PIEZO1: variants seen among roughly 807,000 people sequenced by gnomAD.
PIEZO1 encodes the protein piezo-type mechanosensitive ion channel component 1.
Under a neutral mutation model 297.2 loss-of-function variants are expected in PIEZO1, and 296 were observed. The ratio of observed to expected loss-of-function variants is 1.00; its 90% CI spans 0.91 to 1.10. The LOEUF (loss-of-function observed/expected upper bound fraction) is 1.10, where lower values mean the gene tolerates loss of function less well. PIEZO1 is among the 50% of genes least tolerant of loss of function. The probability of loss-of-function intolerance (pLI) is 0.00; values close to 1 mark genes in which losing one functional copy is unlikely to be tolerated. For synonymous variants in PIEZO1, 2,427 were observed against 1,507.5 expected, an observed-to-expected ratio of 1.61 and a Z score of -14.13; for missense variants, 5,018 against 3,455.5, an observed-to-expected ratio of 1.45 and a Z score of -11.34.
At chr16:88,762,172 G>A (rs1056971656) in intron 1 of PIEZO1, among the ~76,000 whole-genome samples, 8 of 152,182 alleles carry the variant, frequency 5.3e-5, no homozygotes, top group African/African-American at 1.7e-4. Context: ...GGGTCAGGCA[G>A]AGCCACCTCT....
Position 88,717,095 on chromosome 16 carries a change from C to T in PIEZO1, c.6588G>A (p.Leu2196=), listed in dbSNP as rs1211870410. Residue 2196 remains leucine (L), a synonymous_variant, in exon 45 of 51, where the codon CTG becomes CTA. Coordinates refer to ENST00000301015, the MANE Select transcript of PIEZO1 (RefSeq NM_001142864.4). The part of the protein sequence containing the change: ...IIWFPLLFMS[L]VRSVVGVVNQ... The stretch of plus-strand genomic sequence containing the variant: ...TGACAACCCCAACCACGGAGCGCAC[C>T]AGCGACATGAAGAGCAGTGGGAACC... 2 of 1,551,276 alleles carry T rather than the reference C, an allele frequency of 1.3e-6. No homozygotes were observed. The highest frequency in any genetic ancestry group is 2.4e-5 in the South Asian group (2 of 84,066).
In PIEZO1 at chr16:88,733,459, G is replaced by C. The variant is rs1905006515; in HGVS notation, c.2488-5C>G. ...CAGCAGGTTCATCACCGACACCTGA[G>C]GGCAGTGGGCACGTGGGGCTGGGCT... On this transcript the variant is annotated splice_polypyrimidine_tract_variant and splice_region_variant and intron_variant, in intron 18 of 50. Transcript: ENST00000301015. 3.2e-6 allele frequency: 5 copies of C among 1,545,270 alleles called. No individual in the cohort carries two copies. In the South Asian group the frequency reaches 3.6e-5, roughly 11 times the overall value.
chr16:88,743,753 C>T, intron 2 of PIEZO1: 1 of 419,762 alleles, frequency 2.4e-6, no homozygotes, highest in Admixed American at 2.6e-5. Flanking sequence ...GACTCCCTGT[C>T]CGCACCACCA....
rs754188492 is a variant in PIEZO1, at chr16:88,731,836, C to T, written c.3066G>A (p.Leu1022=). 1.2e-5 allele frequency: 15 copies of T among 1,259,602 alleles called. No homozygotes were observed. The South Asian group carries it at 1.6e-4, about 13-fold the overall frequency. 78.0% of individuals were successfully genotyped at this position (1,259,602 alleles called of 1,614,324 possible). A position where few individuals can be genotyped will look rare whatever the true frequency, so the allele number is the denominator to read the frequency against. Residue 1022 remains leucine, a synonymous_variant, in exon 22 of 51, where the codon CTG becomes CTA. Coordinates refer to ENST00000301015, the MANE Select transcript of PIEZO1 (RefSeq NM_001142864.4). ...GGTGCCTGCGGGTGAGGATGGCCAC[C>T]AGCCAGCAACCGTGCAGGGTCACCA... The part of the protein sequence containing the change: ...NFLVTLHGCW[L]VAILTRRHRQ...
At chr16:88,746,825 T>G (rs1285323271) in intron 2 of PIEZO1, among the ~76,000 whole-genome samples, 2 of 152,148 alleles carry the variant, frequency 1.3e-5, no homozygotes. Flanking sequence ...TGTTTCCAAT[T>G]GCGCCCTGGG....
Position 88,716,903 on chromosome 16 carries a change from G to A in PIEZO1, c.6661-5C>T. 1.3e-6 allele frequency: 2 copies of A among 1,549,566 alleles called. No homozygotes were observed. The highest frequency in any genetic ancestry group is 1.7e-6 in the Non-Finnish European group (2 of 1,146,858). ...GGCGCTCATGGTGAACAGCGGCTGGGGCAGGCACGGGGACACGGGGCCACG... is the reference window on the plus strand; with the variant it reads ...GGCGCTCATGGTGAACAGCGGCTGGAGCAGGCACGGGGACACGGGGCCACG... On this transcript the variant is annotated splice_region_variant and splice_polypyrimidine_tract_variant and intron_variant, in intron 45 of 50. Coordinates refer to ENST00000301015, the MANE Select transcript of PIEZO1 (RefSeq NM_001142864.4).
intron 23 of PIEZO1, 112 bp from the exon 24 acceptor site, chr16:88,727,304 G>T: frequency 8.1e-7 from 1 of 1,241,924 alleles, no homozygotes. Context: ...CGCTGGGAGC[G>T]GACACACGTC....
In PIEZO1 at chr16:88,720,229, C is replaced by T. The variant is rs1306559557; in HGVS notation, c.6004G>A (p.Glu2002Lys). 5.8e-6 allele frequency: 9 copies of T among 1,550,530 alleles called. No individual in the cohort carries two copies. The highest frequency in any genetic ancestry group is 2.4e-5 in the East Asian group (1 of 40,920). ...ATCAGCAGCATGACCAGGAAAGCCTCGGGTACCTGGTCGTCTGATAGGGAG... is the reference window on the plus strand; with the variant it reads ...ATCAGCAGCATGACCAGGAAAGCCTTGGGTACCTGGTCGTCTGATAGGGAG... Reference protein sequence around the residue: ...TSSLSDDQVPEAFLVMLLIQF... With the variant: ...TSSLSDDQVPKAFLVMLLIQF... The change falls in exon 42 of 51, where the codon GAG (glutamate) becomes AAG (lysine). Residue 2002 changes from glutamate (E) to lysine (K), a missense_variant. Transcript: ENST00000301015.
chr16:88,737,272 G>A, intron 10 of PIEZO1: 1 of 387,510 alleles, frequency 2.6e-6, no homozygotes, highest in Non-Finnish European at 4.7e-6. Flanking sequence ...ATTCTCTGGG[G>A]AGGGGTTGGG....
In PIEZO1 at chr16:88,738,708, C is replaced by T; in HGVS notation, c.494G>A (p.Ser165Asn). Reference sequence around the variant, plus strand: ...TGCTTCCTGCAGCCCTGCCGTCGGGCTGGCATCCACATCCCTCTCATCATC... The same window carrying T: ...TGCTTCCTGCAGCCCTGCCGTCGGGTTGGCATCCACATCCCTCTCATCATC... ...LDDDERDVDA[S>N]PTAGLQEAAT... is the part of the protein sequence containing the mutation. The change falls in exon 6 of 51, where the codon AGC becomes AAC. Residue 165 changes from serine to asparagine, a missense_variant. Physicochemically the swap from Ser to Asn is conservative, Grantham distance 46. Transcript: ENST00000301015. The T allele has an allele frequency of 6.5e-7, 1 of 1,533,596 alleles. No individual in the cohort carries two copies. Among genetic ancestry groups the T allele is most frequent in the Non-Finnish European group, 8.7e-7 (1 of 1,145,088 alleles). The allele number at this position is 1,533,596 out of a possible 1,614,324, so 95.0% of individuals were successfully genotyped here.
chr16:88,736,272 C>T lies in PIEZO1; in HGVS notation c.1433G>A (p.Cys478Tyr), dbSNP rs1427214750. 1.3e-6 allele frequency: 2 copies of T among 1,550,074 alleles called. No homozygotes were observed. The highest frequency in any genetic ancestry group is 1.2e-5 in the South Asian group (1 of 84,066). Residue 478 changes from cysteine to tyrosine, a missense_variant, in exon 12 of 51, where the codon TGC becomes TAC. Coordinates refer to ENST00000301015, the MANE Select transcript of PIEZO1 (RefSeq NM_001142864.4). Reference sequence around the variant, plus strand: ...CATGGCCCACACGTAGCGTAGGCAGCACAGCGTCATCCCATACAGCAGGAT... The same window carrying T: ...CATGGCCCACACGTAGCGTAGGCAGTACAGCGTCATCCCATACAGCAGGAT... ...PCILLYGMTL[C>Y]CLRYVWAMDL...
At chr16:88,717,739 A>AATTG (rs777427746) in intron 44 of PIEZO1, 192 of 443,346 alleles carry the variant, frequency 4.3e-4, no homozygotes, top group East Asian at 3.5e-4. Flanking sequence ...TGCAAATTTT[A>AATTG]ATTGATAAGG....
At chr16:88,729,271 AT>A (rs1904648922) in intron 22 of PIEZO1, among the ~76,000 whole-genome samples, 2 of 50,748 alleles carry the variant, frequency 3.9e-5, no homozygotes, top group Admixed American at 1.4e-4. Flanking sequence ...AACCCAGGAC[AT>A]GCTGAACCCA....
chr16:88,717,515 C>A lies in PIEZO1; in HGVS notation c.6472-304G>T, dbSNP rs9938272. On this transcript the variant is annotated intron_variant, in intron 44 of 50. Coordinates refer to ENST00000301015, the MANE Select transcript of PIEZO1 (RefSeq NM_001142864.4). Reference sequence around the variant, plus strand: ...GGAGAATGAAACGCAACTCCTGCCTCATACCATGTGCCAAAATTTACCTCA... The same window carrying A: ...GGAGAATGAAACGCAACTCCTGCCTAATACCATGTGCCAAAATTTACCTCA... 502 of 550,120 alleles carry A rather than the reference C, an allele frequency of 9.1e-4. 2 individuals are homozygous for A. The highest frequency in any genetic ancestry group is 7.6e-3 in the African/African-American group (410 of 53,742). 34.1% of individuals were successfully genotyped at this position (550,120 alleles called of 1,614,324 possible).
intron 1 of PIEZO1, among the ~76,000 whole-genome samples, chr16:88,763,222 G>A (rs774745745): frequency 2.6e-5 from 4 of 152,174 alleles, no homozygotes; most frequent in Non-Finnish European, 5.9e-5. Context: ...GGGCACTTAC[G>A]GGGGCCCAGT....
At chr16:88,724,168 C>T (rs1348353291) in intron 30 of PIEZO1, among the ~76,000 whole-genome samples, 197 bp from the exon 31 acceptor site, 5 of 152,194 alleles carry the variant, frequency 3.3e-5, no homozygotes, top group African/African-American at 7.2e-5. Flanking sequence ...AGAGCCAGCG[C>T]GGGCTGGGGT....
chr16:88,726,189 T>C, intron 27 of PIEZO1, 95 bp downstream of exon 27: 1 of 1,084,858 alleles, frequency 9.2e-7, no homozygotes. Flanking sequence ...GAGCCTGCCC[T>C]CCACGGGCCG....
intron 1 of PIEZO1, among the ~76,000 whole-genome samples, chr16:88,773,373 G>A (rs1242496887): frequency 6.6e-6 from 1 of 152,270 alleles, no homozygotes; most frequent in African/African-American, 2.4e-5. Context: ...GTGGGCAGGG[G>A]GAGGGGCCTT....
Position 88,716,023 on chromosome 16 carries a change from T to G in PIEZO1, c.7226A>C (p.Gln2409Pro), listed in dbSNP as rs991889451. Reference sequence around the variant, plus strand: ...CAGGTTGCAGTCGGTCCGGCACTCCTGCAGCTCGATGACCCACCATTCGAG... The same window carrying G: ...CAGGTTGCAGTCGGTCCGGCACTCCGGCAGCTCGATGACCCACCATTCGAG... ...GFLEWWVIEL[Q>P]ECRTDCNLLP... The change falls in exon 50 of 51, where the codon CAG becomes CCG. Residue 2409 changes from glutamine (Q) to proline (P), a missense_variant. Physicochemically the swap from Gln to Pro is moderately conservative, Grantham distance 76. Transcript: ENST00000301015. The G allele has an allele frequency of 5.2e-6, 8 of 1,550,200 alleles. No homozygotes were observed. Among genetic ancestry groups the G allele is most frequent in the African/African-American group, 1.4e-5 (1 of 73,156 alleles).
Sources: gnomAD v4.1 joint callset for allele counts (sites outside exome capture counted in the v4.1 genomes callset) on GRCh38, gnomAD v4.1.1 for gene constraint, MANE v1.5 for transcripts, NCBI Gene and HGNC (gene_info 2026-07-23, HGNC 2026-07-21) for gene names.